The following ASAP1 variants were observed in gnomAD, a reference collection of about 807,000 sequenced individuals.
The protein encoded by ASAP1 is ArfGAP with SH3 domain, ankyrin repeat and PH domain 1.
A neutral mutation model predicts 145.2 loss-of-function variants in ASAP1; 43 were observed. The ratio of observed to expected loss-of-function variants is 0.30; its 90% CI spans 0.23 to 0.38. The LOEUF (loss-of-function observed/expected upper bound fraction) is 0.38, where lower values mean the gene tolerates loss of function less well. Ranked by LOEUF, ASAP1 falls within the 10% of genes least tolerant of loss-of-function variation. The pLI is 1.00. For missense variants in ASAP1, 1,018 were observed against 1,355.3 expected (o/e 0.75, Z 3.91); for synonymous variants, 546 against 515.5 (o/e 1.06, Z -0.80).
chr8:130,400,164 G>A (rs1565283862), intron 2 of ASAP1, among the ~76,000 whole-genome samples: 1 of 152,138 alleles, frequency 6.6e-6, no homozygotes, highest in Non-Finnish European at 1.5e-5. Context: ...ATCAGTGCCA[G>A]GGCCAGGATT....
At chr8:130,379,496 T>G (rs1827666155) in intron 2 of ASAP1, among the ~76,000 whole-genome samples, 1 of 152,014 alleles carries the variant, frequency 6.6e-6, no homozygotes, top group Non-Finnish European at 1.5e-5. Flanking sequence ...GAATTGTGAC[T>G]GGCATCTGAA....
chr8:130,256,466 T>C (rs755598966), intron 3 of ASAP1, among the ~76,000 whole-genome samples: 5 of 151,958 alleles, frequency 3.3e-5, no homozygotes, highest in Non-Finnish European at 4.4e-5. Context: ...GGCACAATAT[T>C]CAAGAGTTGA....
intron 3 of ASAP1, among the ~76,000 whole-genome samples, chr8:130,277,032 C>A (rs1040746670): frequency 6.6e-6 from 1 of 152,074 alleles, no homozygotes. Context: ...GCTTTGACAG[C>A]GTAACCCCAC....
chr8:130,342,892 C>T (rs1024379010), intron 3 of ASAP1, among the ~76,000 whole-genome samples: 6 of 152,164 alleles, frequency 3.9e-5, no homozygotes, highest in Admixed American at 2.0e-4. Context: ...AGATACTTCC[C>T]ACCCTACTTC....
At chr8:130,074,952 T>C (rs1028174415) in intron 27 of ASAP1, among the ~76,000 whole-genome samples, 7 of 151,982 alleles carry the variant, frequency 4.6e-5, no homozygotes, top group African/African-American at 9.7e-5. Flanking sequence ...GGGAGTGACT[T>C]TGGTGATGGG....
chr8:130,142,373 A>G (rs918010441), intron 13 of ASAP1, among the ~76,000 whole-genome samples: 1 of 152,232 alleles, frequency 6.6e-6, no homozygotes, highest in Non-Finnish European at 1.5e-5. Flanking sequence ...TTCTATTTTA[A>G]TATCTTCTTG....
At chr8:130,364,550 T>C (rs753139836) in intron 2 of ASAP1, among the ~76,000 whole-genome samples, 1 of 152,194 alleles carries the variant, frequency 6.6e-6, no homozygotes, top group Non-Finnish European at 1.5e-5. Flanking sequence ...TCAAAGACAA[T>C]GGATGAGTCC....
intron 3 of ASAP1, among the ~76,000 whole-genome samples, chr8:130,257,791 C>CCA (rs1819654949): frequency 6.9e-6 from 1 of 144,004 alleles, no homozygotes; most frequent in African/African-American, 2.6e-5. Flanking sequence ...AGAGCACCCC[C>CCA]CCCCCATTAT....
chr8:130,359,035 C>T (rs552579095), intron 2 of ASAP1, among the ~76,000 whole-genome samples: 3 of 152,260 alleles, frequency 2.0e-5, no homozygotes, highest in Admixed American at 2.0e-4. Context: ...GGCGCAGGGG[C>T]GGCCTCCCGG....
At chr8:130,138,912 T>C (rs769907998) in intron 13 of ASAP1, among the ~76,000 whole-genome samples, 2 of 151,982 alleles carry the variant, frequency 1.3e-5, no homozygotes, top group Admixed American at 1.3e-4. Flanking sequence ...TCAGAATCTG[T>C]AGCCACGAAG....
chr8:130,192,785 A>G (rs1815229010), intron 5 of ASAP1, among the ~76,000 whole-genome samples: 1 of 152,200 alleles, frequency 6.6e-6, no homozygotes, highest in Non-Finnish European at 1.5e-5. Flanking sequence ...GCTCACTGCT[A>G]TATTCCCAGA....
At chr8:130,113,711 T>C (rs903633251) in intron 23 of ASAP1, among the ~76,000 whole-genome samples, 7 of 152,124 alleles carry the variant, frequency 4.6e-5, no homozygotes, top group Non-Finnish European at 1.0e-4. Context: ...TTTAGACAAG[T>C]TGCTAAATTC....
At chr8:130,297,570 G>A (rs891155475) in intron 3 of ASAP1, among the ~76,000 whole-genome samples, 1 of 152,202 alleles carries the variant, frequency 6.6e-6, no homozygotes, top group African/African-American at 2.4e-5. Flanking sequence ...CTGCTGGCCT[G>A]TAATCTACAG....
chr8:130,262,457 A>AGAGAGAGAGGGT (rs796416744), intron 3 of ASAP1, among the ~76,000 whole-genome samples: 2 of 127,802 alleles, frequency 1.6e-5, no homozygotes. Context: ...AGAGAGAGAG[A>AGAGAGAGAGGGT]ACCTGTGGAA....
At chr8:130,096,752 C>A (rs1333687045) in intron 24 of ASAP1, among the ~76,000 whole-genome samples, 1 of 152,090 alleles carries the variant, frequency 6.6e-6, no homozygotes, top group African/African-American at 2.4e-5. Context: ...TGCCCTTAAA[C>A]AGAGATGGAT....
rs552711355 is a variant in ASAP1, at chr8:130,361,766, G to A, written c.60-3623C>T. ...CTCAAATACTCTGAAAATCATTCCT[G>A]GATATCTGAAAGCAAATAGAGACTG... On this transcript the variant is annotated intron_variant, in intron 2 of 29. Transcript: ENST00000518721. 1.3e-3 allele frequency: 1,956 copies of A among 1,533,274 alleles called. 1 individual carries two copies. Among genetic ancestry groups the A allele is most frequent in the Non-Finnish European group, 1.5e-3 (1,754 of 1,144,446 alleles). 95.0% of individuals were successfully genotyped at this position (1,533,274 alleles called of 1,614,324 possible). A position where few individuals can be genotyped will look rare whatever the true frequency, so the allele number is the denominator to read the frequency against.
intron 3 of ASAP1, among the ~76,000 whole-genome samples, chr8:130,265,969 G>A (rs1197183964): frequency 6.6e-6 from 1 of 152,186 alleles, no homozygotes; most frequent in Admixed American, 6.5e-5. Flanking sequence ...TAGTGAGTAA[G>A]CAGTAAGCAT....
chr8:130,075,028 G>A (rs553021279), intron 27 of ASAP1, among the ~76,000 whole-genome samples: 3 of 152,314 alleles, frequency 2.0e-5, no homozygotes, highest in African/African-American at 4.8e-5. Context: ...GCTGGCGGCA[G>A]TTGCGGTAAA....
At chr8:130,249,551 A>G (rs1488306397) in intron 3 of ASAP1, among the ~76,000 whole-genome samples, 1 of 152,134 alleles carries the variant, frequency 6.6e-6, no homozygotes, top group African/African-American at 2.4e-5. Context: ...ATTGGGTTTT[A>G]TCACCCAATA....
Sources: allele counts gnomAD v4.1 joint callset (sites outside exome capture counted in the v4.1 genomes callset), GRCh38; gene constraint gnomAD v4.1.1; transcripts MANE v1.5; gene names NCBI Gene and HGNC (gene_info 2026-07-23, HGNC 2026-07-21).